The following LTBP1 variants were observed in gnomAD, a reference collection of about 807,000 sequenced individuals.
LTBP1 encodes the protein latent transforming growth factor beta binding protein 1.
LTBP1 carries 129 observed loss-of-function variants against 207.6 expected under a neutral mutation model. The ratio of observed to expected loss-of-function variants is 0.62; its 90% CI spans 0.54 to 0.72. The LOEUF (loss-of-function observed/expected upper bound fraction) is 0.72, where lower values mean the gene tolerates loss of function less well. Among genes scored for constraint, LTBP1 ranks in the 30% least tolerant of loss-of-function variants. LTBP1 has a pLI of 0.00. For missense variants in LTBP1, 2,281 were observed against 2,217.2 expected (o/e 1.03, Z -0.58); for synonymous variants, 963 against 833.7 (o/e 1.16, Z -2.67).
chr2:33,097,894 T>C (rs1327247339), intron 3 of LTBP1, among the ~76,000 whole-genome samples: 4 of 152,218 alleles, frequency 2.6e-5, no homozygotes, highest in Non-Finnish European at 5.9e-5. Flanking sequence ...GTAGTTTTTC[T>C]TTTTGCTGTT....
At chr2:33,234,883 T>C (rs1338283210) in intron 9 of LTBP1, among the ~76,000 whole-genome samples, 2 of 152,024 alleles carry the variant, frequency 1.3e-5, no homozygotes, top group African/African-American at 4.8e-5. Flanking sequence ...TCCTCACACA[T>C]TATACAAAAA....
intron 5 of LTBP1, among the ~76,000 whole-genome samples, chr2:33,157,741 C>G (rs1451853724): frequency 6.6e-6 from 1 of 152,162 alleles, no homozygotes; most frequent in East Asian, 1.9e-4. Flanking sequence ...AGAGATCTTG[C>G]CCCAGCTGAA....
intron 2 of LTBP1, among the ~76,000 whole-genome samples, chr2:32,993,430 C>T (rs1438041415): frequency 2.0e-5 from 3 of 152,198 alleles, no homozygotes; most frequent in African/African-American, 4.8e-5. Context: ...CACTCTCTCT[C>T]TCTCATATAT....
intron 3 of LTBP1, among the ~76,000 whole-genome samples, chr2:33,092,249 C>G (rs1344864654): frequency 1.3e-5 from 2 of 152,242 alleles, no homozygotes; most frequent in African/African-American, 2.4e-5. Flanking sequence ...CCCAGAGACC[C>G]TGCTCACTCA....
intron 5 of LTBP1, among the ~76,000 whole-genome samples, chr2:33,182,236 A>C (rs2086712941): frequency 6.6e-6 from 1 of 152,092 alleles, no homozygotes; most frequent in East Asian, 1.9e-4. Context: ...CCTTGAAACA[A>C]CTGTGTGGAG....
At chr2:33,077,818 TAAC>T (rs1660362693) in intron 3 of LTBP1, among the ~76,000 whole-genome samples, 2 of 152,324 alleles carry the variant, frequency 1.3e-5, no homozygotes, top group Admixed American at 1.3e-4. Context: ...GAAATTGTAA[TAAC>T]AAAAATTGTG....
chr2:33,341,729 A>AAATATATATATATATATAT lies in LTBP1; in HGVS notation c.3731-1108_3731-1107insATATATATATATATATATA, dbSNP rs745445793. Among the ~76,000 whole-genome samples the AAATATATATATATATATAT allele has an allele frequency of 2.9e-4, 27 of 93,622 alleles. No homozygotes were observed. The East Asian group carries it at 5.6e-3, about 19-fold the overall frequency. The allele number at this position is 93,622 out of a possible 152,430, so 61.4% of individuals were successfully genotyped here. On this transcript the variant is annotated intron_variant, in intron 24 of 33. Coordinates refer to ENST00000404816, the MANE Select transcript of LTBP1 (RefSeq NM_206943.4). ...CCGTCTCACTCAAAAAAAAAAAAAA[A>AAATATATATATATATATAT]ATATATATATATATATGTATATTTA... is the stretch of plus-strand genomic sequence containing the variant.
At chr2:33,063,725 G>A (rs554658811) in intron 3 of LTBP1, among the ~76,000 whole-genome samples, 79 of 152,092 alleles carry the variant, frequency 5.2e-4, no homozygotes, top group African/African-American at 1.8e-3. Flanking sequence ...GACAATTGAT[G>A]CCTTAACAAT....
intron 5 of LTBP1, among the ~76,000 whole-genome samples, chr2:33,173,436 C>T (rs377257876): frequency 4.6e-5 from 7 of 152,042 alleles, no homozygotes; most frequent in Admixed American, 6.6e-5. Flanking sequence ...ACACATACAC[C>T]CTCCCAAGAC....
chr2:32,947,879 C>G, intron 1 of LTBP1, 61 bp downstream of exon 1: 2 of 1,261,498 alleles, frequency 1.6e-6, no homozygotes, highest in African/African-American at 1.6e-5. Context: ...GCGGAGGGAC[C>G]TGCGGGGTCA....
intron 5 of LTBP1, among the ~76,000 whole-genome samples, chr2:33,178,806 C>A (rs966834351): frequency 6.6e-6 from 1 of 152,188 alleles, no homozygotes; most frequent in Admixed American, 6.5e-5. Flanking sequence ...TTGGTAGATC[C>A]TGTGGAGGAA....
intron 24 of LTBP1, among the ~76,000 whole-genome samples, chr2:33,336,726 C>A (rs906876800): frequency 6.6e-6 from 1 of 152,038 alleles, no homozygotes; most frequent in African/African-American, 2.4e-5. Context: ...GTACGTTTTG[C>A]TCAGAATAAG....
intron 10 of LTBP1, among the ~76,000 whole-genome samples, chr2:33,246,344 G>T (rs1006772395): frequency 1.3e-5 from 2 of 152,202 alleles, no homozygotes; most frequent in African/African-American, 4.8e-5. Context: ...GCTTGATGGG[G>T]GAAGTCTGAA....
At chr2:33,209,499 C>G (rs1055433961) in intron 7 of LTBP1, among the ~76,000 whole-genome samples, 1 of 152,120 alleles carries the variant, frequency 6.6e-6, no homozygotes, top group Non-Finnish European at 1.5e-5. Context: ...TATTGGAATT[C>G]CATGATACCA....
chr2:33,122,293 T>G (rs1202012130), intron 4 of LTBP1, among the ~76,000 whole-genome samples: 2 of 152,224 alleles, frequency 1.3e-5, no homozygotes, highest in African/African-American at 4.8e-5. Flanking sequence ...GATTACCATT[T>G]CAGCAGGGCA....
chr2:32,993,884 A>G lies in LTBP1; in HGVS notation c.566-27025A>G, dbSNP rs1273836777. 4.6e-5 allele frequency among the ~76,000 whole-genome samples: 7 copies of G among 152,106 alleles called. No homozygotes were observed. The East Asian group carries it at 1.2e-3, about 25-fold the overall frequency. ...TGGCTTGATGTTGGGCATTCCTGCT[A>G]CTTGAAGTTACCTGTTTATCCCAGG... On this transcript the variant is annotated intron_variant, in intron 2 of 33. Coordinates refer to ENST00000404816, the MANE Select transcript of LTBP1 (RefSeq NM_206943.4).
chr2:33,095,342 A>G (rs571512716), intron 3 of LTBP1, among the ~76,000 whole-genome samples: 100 of 152,318 alleles, frequency 6.6e-4, no homozygotes, highest in African/African-American at 2.4e-3. Flanking sequence ...AACTCTTCCC[A>G]AATTTCTTGG....
intron 3 of LTBP1, among the ~76,000 whole-genome samples, chr2:33,053,272 G>C (rs141211311): frequency 6.6e-6 from 1 of 152,050 alleles, no homozygotes; most frequent in African/African-American, 2.4e-5. Flanking sequence ...CCCTCTCCCC[G>C]TCCCATAGGC....
chr2:33,357,850 T>G (rs1376262919), intron 26 of LTBP1, among the ~76,000 whole-genome samples: 5 of 152,226 alleles, frequency 3.3e-5, no homozygotes, highest in African/African-American at 1.2e-4. Context: ...AGTATTCATT[T>G]TTTAGTGCTT....
Sources: gnomAD v4.1 joint callset for allele counts (sites outside exome capture counted in the v4.1 genomes callset) on GRCh38, gnomAD v4.1.1 for gene constraint, MANE v1.5 for transcripts, NCBI Gene and HGNC (gene_info 2026-07-23, HGNC 2026-07-21) for gene names.